Variants in RBFOX1 observed in about 807,000 individuals in gnomAD.
RBFOX1 encodes the protein RNA binding fox-1 homolog 1, also known as RNA binding protein fox-1 homolog 1.
In RBFOX1, 8 loss-of-function variants were observed where a neutral mutation model predicts 57.7. The observed-to-expected ratio is 0.14, with a 90% CI of 0.08 to 0.25. The LOEUF (loss-of-function observed/expected upper bound fraction) is 0.25. RBFOX1 is among the 10% of genes least tolerant of loss of function. The pLI is 1.00. For missense variants in RBFOX1, 611 were observed against 548.5 expected (o/e 1.11, Z -1.14); for synonymous variants, 326 against 222.4 (o/e 1.47, Z -4.15).
chr16:5,683,782 TTTATA>T (rs1399074372), intron 3 of RBFOX1, among the ~76,000 whole-genome samples: 8 of 148,246 alleles, frequency 5.4e-5, no homozygotes, highest in South Asian at 2.1e-4. Context: ...TACTGTATTA[TTTATA>T]TTATATGTTT....
chr16:6,543,211 G>A (rs543637081), intron 2 of RBFOX1, among the ~76,000 whole-genome samples: 2 of 152,142 alleles, frequency 1.3e-5, no homozygotes, highest in Non-Finnish European at 2.9e-5. Context: ...GATGCACTAG[G>A]CTTAATGTTT....
At chr16:7,342,082 A>C (rs1603625117) in intron 4 of RBFOX1, among the ~76,000 whole-genome samples, 1 of 152,034 alleles carries the variant, frequency 6.6e-6, no homozygotes, top group Non-Finnish European at 1.5e-5. Context: ...ATTTCTTCTT[A>C]TTTCCTGAGG....
chr16:7,142,473 G>A (rs1048711481), intron 4 of RBFOX1, among the ~76,000 whole-genome samples: 8 of 152,080 alleles, frequency 5.3e-5, no homozygotes, highest in South Asian at 2.1e-4. Context: ...AGAGTCCCTG[G>A]AACAATTTAA....
chr16:5,770,817 C>G (rs1210264992), intron 3 of RBFOX1, among the ~76,000 whole-genome samples: 1 of 152,334 alleles, frequency 6.6e-6, no homozygotes, highest in Non-Finnish European at 1.5e-5. Context: ...GCTTTTAGAA[C>G]TCTATGCCAA....
At chr16:6,757,007 C>G (rs958959780) in intron 3 of RBFOX1, among the ~76,000 whole-genome samples, 1 of 138,486 alleles carries the variant, frequency 7.2e-6, no homozygotes, top group African/African-American at 2.7e-5. Context: ...AACAAACAAA[C>G]AAACAAAAAA....
At chr16:6,767,410 A>G (rs867811371) in intron 3 of RBFOX1, among the ~76,000 whole-genome samples, 2 of 152,202 alleles carry the variant, frequency 1.3e-5, no homozygotes, top group East Asian at 3.9e-4. Flanking sequence ...CTGAGTTCCA[A>G]TTCTCTGAAT....
At chr16:6,880,755 G>A (rs547302282) in intron 3 of RBFOX1, among the ~76,000 whole-genome samples, 38 of 152,162 alleles carry the variant, frequency 2.5e-4, no homozygotes, top group Middle Eastern at 3.4e-3. Flanking sequence ...ATTTGATTGC[G>A]TTGTATTAAA....
At chr16:7,174,690 G>A (rs984165199) in intron 4 of RBFOX1, among the ~76,000 whole-genome samples, 1 of 152,204 alleles carries the variant, frequency 6.6e-6, no homozygotes, top group Non-Finnish European at 1.5e-5. Context: ...TGAGGCAGGA[G>A]AATCACTTGA....
intron 4 of RBFOX1, among the ~76,000 whole-genome samples, chr16:7,211,136 A>G (rs2152785449): frequency 6.6e-6 from 1 of 151,478 alleles, no homozygotes; most frequent in South Asian, 2.1e-4. Context: ...TCACACCTGT[A>G]ATCCCAGCAC....
intron 1 of RBFOX1, among the ~76,000 whole-genome samples, chr16:5,452,345 G>A (rs955403059): frequency 1.3e-5 from 2 of 151,798 alleles, no homozygotes; most frequent in Non-Finnish European, 2.9e-5. Flanking sequence ...CTGGCCTCAA[G>A]TGATCCACCC....
intron 14 of RBFOX1, among the ~76,000 whole-genome samples, chr16:7,701,203 AT>A (rs939590733): frequency 2.0e-5 from 3 of 152,202 alleles, no homozygotes; most frequent in African/African-American, 4.8e-5. Context: ...ATCTTGGAGC[AT>A]TTCTTCCACT....
chr16:6,637,543 A>ATAT, intron 2 of RBFOX1, among the ~76,000 whole-genome samples: 6 of 12,560 alleles, frequency 4.8e-4, no homozygotes, highest in African/African-American at 7.9e-4. Flanking sequence ...AGTATATACA[A>ATAT]TCTGCATAGT....
intron 1 of RBFOX1, among the ~76,000 whole-genome samples, chr16:5,321,355 T>C (rs1245858797): frequency 1.3e-5 from 2 of 151,870 alleles, no homozygotes; most frequent in Non-Finnish European, 2.9e-5. Context: ...AGTCTCGCTT[T>C]GTCACCCAGG....
chr16:7,550,914 T>G (rs1402387274), intron 5 of RBFOX1, among the ~76,000 whole-genome samples: 1 of 151,762 alleles, frequency 6.6e-6, no homozygotes, highest in Non-Finnish European at 1.5e-5. Flanking sequence ...GCCAACATGG[T>G]GAAACCCCAG....
chr16:7,118,917 T>C (rs755336573), intron 4 of RBFOX1, among the ~76,000 whole-genome samples: 7 of 152,180 alleles, frequency 4.6e-5, no homozygotes, highest in Non-Finnish European at 8.8e-5. Context: ...GGTTATGATA[T>C]GATTTTTAGG....
At chr16:5,638,748 G>C (rs1288492741) in intron 3 of RBFOX1, among the ~76,000 whole-genome samples, 2 of 152,204 alleles carry the variant, frequency 1.3e-5, no homozygotes, top group Non-Finnish European at 2.9e-5. Context: ...CATAGAGCTT[G>C]AGTAGGATCC....
At chr16:5,564,305 A>G (rs747885917) in intron 2 of RBFOX1, among the ~76,000 whole-genome samples, 1 of 152,102 alleles carries the variant, frequency 6.6e-6, no homozygotes, top group Non-Finnish European at 1.5e-5. Context: ...GGCATGAACC[A>G]CCACACCCAA....
chr16:7,679,367 G>A (rs74011984), intron 14 of RBFOX1, among the ~76,000 whole-genome samples: 4,210 of 152,272 alleles, frequency 0.028, 118 homozygotes, highest in East Asian at 0.17. Context: ...ATCAGTAAGT[G>A]ATGGAAGCTT....
intron 4 of RBFOX1, among the ~76,000 whole-genome samples, chr16:7,289,101 C>T (rs1401633867): frequency 6.6e-6 from 1 of 152,182 alleles, no homozygotes; most frequent in South Asian, 2.1e-4. Context: ...ATGCCAGATC[C>T]TGCCTGCTGT....
Sources: allele counts gnomAD v4.1 joint callset (sites outside exome capture counted in the v4.1 genomes callset), GRCh38; gene constraint gnomAD v4.1.1; transcripts MANE v1.5; gene names NCBI Gene and HGNC (gene_info 2026-07-23, HGNC 2026-07-21).